Variants in ERBB4 observed in about 807,000 individuals in gnomAD.
ERBB4 encodes erb-b2 receptor tyrosine kinase 4.
ERBB4 carries 42 observed loss-of-function variants against 158.0 expected under a neutral mutation model. That is an observed-to-expected ratio of 0.27 (90% CI 0.21 to 0.34). ERBB4 has a LOEUF of 0.34. ERBB4 is among the 10% of genes least tolerant of loss of function. ERBB4 has a pLI of 1.00. For missense variants in ERBB4, 1,333 were observed against 1,624.1 expected (o/e 0.82, Z 3.08); for synonymous variants, 583 against 558.7 (o/e 1.04, Z -0.61).
At chr2:212,255,529 G>C (rs1246562015) in intron 1 of ERBB4, among the ~76,000 whole-genome samples, 1 of 152,168 alleles carries the variant, frequency 6.6e-6, no homozygotes, top group East Asian at 1.9e-4. Context: ...AAGAGGTACA[G>C]GTTTAGTGTT....
intron 2 of ERBB4, among the ~76,000 whole-genome samples, chr2:212,090,988 C>T (rs2078757898): frequency 6.6e-6 from 1 of 152,112 alleles, no homozygotes; most frequent in Non-Finnish European, 1.5e-5. Context: ...GGTCACCTCA[C>T]CCTTTTGGGG....
chr2:211,512,189 G>T (rs1042053540), intron 20 of ERBB4, among the ~76,000 whole-genome samples: 9 of 152,052 alleles, frequency 5.9e-5, no homozygotes, highest in African/African-American at 2.2e-4. Context: ...ACGAAAGTGC[G>T]CTCATTTATC....
At chr2:212,105,034 C>CA (rs10716791) in intron 2 of ERBB4, among the ~76,000 whole-genome samples, 3 of 151,698 alleles carry the variant, frequency 2.0e-5, no homozygotes, top group African/African-American at 4.8e-5. Flanking sequence ...TATAATTTCT[C>CA]AAAAAAAACC....
chr2:212,430,203 C>T (rs1250966435), intron 1 of ERBB4, among the ~76,000 whole-genome samples: 5 of 152,078 alleles, frequency 3.3e-5, no homozygotes, highest in East Asian at 1.9e-4. Context: ...TACATACATA[C>T]GATGTGCTTT....
In ERBB4 at chr2:211,739,706, T is replaced by G. The variant is rs555645417; in HGVS notation, c.622+10933A>C. Among the ~76,000 whole-genome samples, 336 of 152,344 alleles carry G rather than the reference T, an allele frequency of 2.2e-3. 5 individuals are homozygous for G. Among genetic ancestry groups the G allele is most frequent in the African/African-American group, 7.7e-3 (321 of 41,584 alleles). On this transcript the variant is annotated intron_variant, in intron 5 of 27. Transcript: ENST00000342788. The stretch of plus-strand genomic sequence containing the variant: ...GGATGGTCTCGATCTCTTGACCACG[T>G]GATCTGCCCGCTTCGGCCTCCCAAA...
chr2:212,512,697 C>G (rs1434601279), intron 1 of ERBB4, among the ~76,000 whole-genome samples: 1 of 152,154 alleles, frequency 6.6e-6, no homozygotes, highest in Non-Finnish European at 1.5e-5. Flanking sequence ...TTGTCAAATA[C>G]TAGTTTGATA....
At chr2:212,501,478 A>C (rs73989029) in intron 1 of ERBB4, among the ~76,000 whole-genome samples, 3,148 of 152,316 alleles carry the variant, frequency 0.021, 110 homozygotes, top group African/African-American at 0.072. Flanking sequence ...CTGCATAACA[A>C]ATCCAGGGAA....
intron 1 of ERBB4, among the ~76,000 whole-genome samples, chr2:212,404,502 A>T (rs189901040): frequency 6.6e-6 from 1 of 152,210 alleles, no homozygotes; most frequent in East Asian, 1.9e-4. Context: ...TCCTTATGAC[A>T]CTGGTAGTAG....
intron 1 of ERBB4, among the ~76,000 whole-genome samples, chr2:212,196,093 C>G (rs1001955083): frequency 6.6e-6 from 1 of 151,986 alleles, no homozygotes; most frequent in African/African-American, 2.4e-5. Flanking sequence ...TCCCCACCAC[C>G]GGAGTCAAAA....
chr2:211,565,673 A>G (rs2067524910), intron 19 of ERBB4, among the ~76,000 whole-genome samples: 1 of 152,164 alleles, frequency 6.6e-6, no homozygotes, highest in African/African-American at 2.4e-5. Flanking sequence ...TACAAGAGTT[A>G]TTCACAAATA....
At chr2:211,904,314 A>G (rs1019516567) in intron 3 of ERBB4, among the ~76,000 whole-genome samples, 1 of 152,150 alleles carries the variant, frequency 6.6e-6, no homozygotes, top group African/African-American at 2.4e-5. Flanking sequence ...ACTCATGTAC[A>G]TTCTTGAACA....
At chr2:212,342,658 A>G (rs2088778191) in intron 1 of ERBB4, among the ~76,000 whole-genome samples, 1 of 152,194 alleles carries the variant, frequency 6.6e-6, no homozygotes, top group Non-Finnish European at 1.5e-5. Context: ...AGGGGAAAGT[A>G]ATGCACCAAC....
chr2:211,403,488 A>C (rs1030074741), intron 25 of ERBB4, among the ~76,000 whole-genome samples: 1 of 152,118 alleles, frequency 6.6e-6, no homozygotes, highest in African/African-American at 2.4e-5. Context: ...TATCACTGAG[A>C]TTGCAATTAT....
chr2:211,716,447 TG>T (rs1411891121), intron 7 of ERBB4, among the ~76,000 whole-genome samples: 1 of 133,918 alleles, frequency 7.5e-6, no homozygotes, highest in Admixed American at 7.7e-5. Context: ...GAGGCCAAGG[TG>T]GGCGGATCAC....
intron 16 of ERBB4, among the ~76,000 whole-genome samples, chr2:211,647,119 T>C (rs2105871027): frequency 6.6e-6 from 1 of 151,676 alleles, no homozygotes; most frequent in East Asian, 1.9e-4. Context: ...TTATTTTCTC[T>C]CAATAAAATA....
chr2:211,439,868 G>C (rs139532409), intron 20 of ERBB4, among the ~76,000 whole-genome samples: 1,699 of 152,228 alleles, frequency 0.011, 29 homozygotes, highest in African/African-American at 0.039. Context: ...AGTCTCCCAG[G>C]GGTAGAGAAG....
At position 212,538,645 on chromosome 2, in the gene ERBB4, G is replaced by C; in HGVS notation, c.-115C>G. ...GCGCGCGTGGGGGTGCGAGGGGGGC[G>C]GGCGCGGCGCGCGCGGTGTGGCGAC... On this transcript the variant is annotated 5_prime_UTR_variant, in exon 1 of 28. Transcript: ENST00000342788. 1.8e-6 allele frequency: 2 copies of C among 1,087,838 alleles called. No individual in the cohort carries two copies. Among genetic ancestry groups the C allele is most frequent in the African/African-American group, 1.6e-5 (1 of 63,388 alleles). The allele number at this position is 1,087,838 out of a possible 1,614,324, so 67.4% of individuals were successfully genotyped here.
At chr2:211,527,208 C>A (rs1013031117) in intron 20 of ERBB4, among the ~76,000 whole-genome samples, 14 of 151,876 alleles carry the variant, frequency 9.2e-5, no homozygotes, top group Non-Finnish European at 1.8e-4. Flanking sequence ...AGAAAAGAAA[C>A]AAACAACAAA....
In ERBB4 at chr2:211,857,142, T is replaced by C. The variant is rs1490063971; in HGVS notation, c.422-68983A>G. 2.0e-5 allele frequency among the ~76,000 whole-genome samples: 3 copies of C among 146,594 alleles called. No individual in the cohort carries two copies. In the Admixed American group the frequency reaches 2.1e-4, roughly 10 times the overall value. On this transcript the variant is annotated intron_variant, in intron 3 of 27. Transcript: ENST00000342788. ...GAGTTTTTGTTCCTCTGACTCTGTG[T>C]ATATCTCTGTGTGTGTTTGTGTGTG...
Sources: allele counts gnomAD v4.1 joint callset (sites outside exome capture counted in the v4.1 genomes callset), GRCh38; gene constraint gnomAD v4.1.1; transcripts MANE v1.5; gene names NCBI Gene and HGNC (gene_info 2026-07-23, HGNC 2026-07-21).